Variants in TGFB2 observed in about 807,000 individuals in gnomAD.
TGFB2 encodes transforming growth factor beta 2.
Under a neutral mutation model 42.7 loss-of-function variants are expected in TGFB2, and 13 were observed. The observed-to-expected ratio is 0.30, with a 90% confidence interval of 0.20 to 0.48. The LOEUF is 0.48. Ranked by LOEUF, TGFB2 falls within the 20% of genes least tolerant of loss-of-function variation. TGFB2 has a pLI of 0.99. For missense variants in TGFB2, 390 were observed against 517.5 expected (o/e 0.75, Z 2.39); for synonymous variants, 193 against 193.6 (o/e 1.00, Z 0.03).
intron 2 of TGFB2, among the ~76,000 whole-genome samples, chr1:218,413,850 T>C (rs1055680071): frequency 1.3e-5 from 2 of 152,230 alleles, no homozygotes; most frequent in African/African-American, 4.8e-5. Context: ...GTTGCAAGGA[T>C]ATAAAACAGT....
At chr1:218,395,917 A>G (rs898805215) in intron 1 of TGFB2, among the ~76,000 whole-genome samples, 22 of 152,000 alleles carry the variant, frequency 1.4e-4, no homozygotes, top group African/African-American at 5.1e-4. Flanking sequence ...CCAGGCCTTG[A>G]TTTCTTTATC....
At chr1:218,364,227 T>A (rs1001804549) in intron 1 of TGFB2, among the ~76,000 whole-genome samples, 2 of 152,208 alleles carry the variant, frequency 1.3e-5, no homozygotes, top group African/African-American at 4.8e-5. Flanking sequence ...CTCAGCCAAC[T>A]GGACCTGTGA....
At chr1:218,363,459 A>G in intron 1 of TGFB2, 1 of 1,566,954 alleles carries the variant, frequency 6.4e-7, no homozygotes, top group Non-Finnish European at 8.8e-7. Flanking sequence ...TGACATAGTT[A>G]TATCAAATCC....
At chr1:218,398,579 T>C (rs1208214144) in intron 1 of TGFB2, among the ~76,000 whole-genome samples, 4 of 151,652 alleles carry the variant, frequency 2.6e-5, no homozygotes, top group South Asian at 2.1e-4. Context: ...TATTTTATTT[T>C]ATTTATTTAT....
At chr1:218,416,828 T>C (rs1356451052) in intron 2 of TGFB2, among the ~76,000 whole-genome samples, 2 of 152,170 alleles carry the variant, frequency 1.3e-5, no homozygotes, top group African/African-American at 4.8e-5. Flanking sequence ...GCTCTTGTGA[T>C]AGTGAATAAG....
chr1:218,414,488 A>C (rs1659208420), intron 2 of TGFB2, among the ~76,000 whole-genome samples: 1 of 152,034 alleles, frequency 6.6e-6, no homozygotes, highest in Non-Finnish European at 1.5e-5. Flanking sequence ...ATAGTAACCC[A>C]CCTAAAAAAA....
At chr1:218,381,919 G>T (rs1213542572) in intron 1 of TGFB2, among the ~76,000 whole-genome samples, 4 of 152,170 alleles carry the variant, frequency 2.6e-5, no homozygotes. Context: ...TTTTTAAATT[G>T]AAGAAATTAG....
chr1:218,411,207 C>G (rs544409075), intron 2 of TGFB2, among the ~76,000 whole-genome samples: 1 of 152,338 alleles, frequency 6.6e-6, no homozygotes, highest in African/African-American at 2.4e-5. Flanking sequence ...TCTGGGTTAT[C>G]TATTTGCTGC....
At chr1:218,409,774 T>TG (rs1481035242) in intron 2 of TGFB2, among the ~76,000 whole-genome samples, 1 of 152,238 alleles carries the variant, frequency 6.6e-6, no homozygotes, top group Non-Finnish European at 1.5e-5. Flanking sequence ...CTTTGATTAC[T>TG]GTACTACTTG....
At chr1:218,379,136 T>TTC (rs1224622730) in intron 1 of TGFB2, among the ~76,000 whole-genome samples, 1 of 149,682 alleles carries the variant, frequency 6.7e-6, no homozygotes, top group East Asian at 2.0e-4. Context: ...CTTTCTTTTT[T>TTC]TTTTTTCTTT....
intron 4 of TGFB2, 81 bp from the exon 5 acceptor site, chr1:218,435,889 T>C (rs1268399620): frequency 2.8e-6 from 4 of 1,409,754 alleles, no homozygotes; most frequent in Admixed American, 2.1e-5. Flanking sequence ...TTTGTGACAA[T>C]ATACAAAGGA....
At chr1:218,372,904 C>T (rs1185045299) in intron 1 of TGFB2, among the ~76,000 whole-genome samples, 4 of 152,094 alleles carry the variant, frequency 2.6e-5, no homozygotes, top group Admixed American at 6.5e-5. Flanking sequence ...CGGCTGGGCA[C>T]GGTGGCTCAC....
chr1:218,422,712 T>G (rs1659497944), intron 2 of TGFB2, among the ~76,000 whole-genome samples: 1 of 152,142 alleles, frequency 6.6e-6, no homozygotes, highest in African/African-American at 2.4e-5. Flanking sequence ...ACACATCGTT[T>G]TAAGTTTTTG....
intron 2 of TGFB2, among the ~76,000 whole-genome samples, chr1:218,411,415 T>C (rs1659092592): frequency 6.6e-6 from 1 of 152,270 alleles, no homozygotes; most frequent in South Asian, 2.1e-4. Flanking sequence ...TGCCTATGCT[T>C]GGAACTTCAG....
chr1:218,378,124 T>C (rs1280930264), intron 1 of TGFB2, among the ~76,000 whole-genome samples: 1 of 151,530 alleles, frequency 6.6e-6, no homozygotes, highest in Non-Finnish European at 1.5e-5. Flanking sequence ...TACAGGCCCC[T>C]GTCACTATGC....
chr1:218,409,552 C>T (rs1057251209), intron 2 of TGFB2, among the ~76,000 whole-genome samples: 2 of 151,924 alleles, frequency 1.3e-5, no homozygotes, highest in East Asian at 3.9e-4. Flanking sequence ...GAATTGATGC[C>T]GATGGTAATA....
intron 2 of TGFB2, among the ~76,000 whole-genome samples, chr1:218,421,288 T>C (rs1457626802): frequency 6.6e-6 from 1 of 152,160 alleles, no homozygotes; most frequent in African/African-American, 2.4e-5. Flanking sequence ...AAATTGCTTA[T>C]TCTGTCTGAT....
At chr1:218,435,674 C>T (rs140474025) in intron 4 of TGFB2, among the ~76,000 whole-genome samples, 2 of 152,298 alleles carry the variant, frequency 1.3e-5, no homozygotes, top group African/African-American at 4.8e-5. Flanking sequence ...GCCTAGATTG[C>T]CCTTGGACTA....
intron 2 of TGFB2, 68 bp downstream of exon 2, chr1:218,405,400 T>C (rs1348563514): frequency 3.7e-6 from 6 of 1,602,358 alleles, no homozygotes; most frequent in Non-Finnish European, 5.1e-6. Flanking sequence ...TCTCTCTCTC[T>C]CTGTCACAGG....
Sources: gnomAD v4.1 joint callset for allele counts (sites outside exome capture counted in the v4.1 genomes callset) on GRCh38, gnomAD v4.1.1 for gene constraint, MANE v1.5 for transcripts, NCBI Gene and HGNC (gene_info 2026-07-23, HGNC 2026-07-21) for gene names.